The following ART3 variants were observed in gnomAD, a reference collection of about 807,000 sequenced individuals.
ART3 encodes ADP-ribosyltransferase 3 (inactive).
In ART3, 49 loss-of-function variants were observed where a neutral mutation model predicts 48.5. The ratio of observed to expected loss-of-function variants is 1.01; its 90% CI spans 0.80 to 1.28. The LOEUF is 1.28. Ranked by LOEUF, ART3 falls within the 50% of genes most tolerant of loss-of-function variation. ART3 has a pLI of 0.00. For missense variants in ART3, 438 were observed against 454.3 expected (o/e 0.96, Z 0.33); for synonymous variants, 145 against 157.2 (o/e 0.92, Z 0.58).
intron 1 of ART3, among the ~76,000 whole-genome samples, chr4:76,027,812 G>A (rs1733537389): frequency 7.0e-6 from 1 of 142,588 alleles, no homozygotes; most frequent in South Asian, 2.3e-4. Flanking sequence ...TGCCGTGTTA[G>A]GATTCTATAA....
At chr4:76,037,800 T>C (rs535308518) in intron 1 of ART3, among the ~76,000 whole-genome samples, 1 of 152,332 alleles carries the variant, frequency 6.6e-6, no homozygotes, top group South Asian at 2.1e-4. Context: ...TAACTTTCTT[T>C]CAAGAATTTT....
intron 1 of ART3, among the ~76,000 whole-genome samples, chr4:76,015,901 CTATAGGCACAAGCCTGGCCTGGGAT>C (rs1732209270): frequency 6.6e-6 from 1 of 152,170 alleles, no homozygotes; most frequent in Non-Finnish European, 1.5e-5. Flanking sequence ...AGTGCTGGGA[CTATAGGCACAAGCCTGGCCTGGGAT>C]TATAGGCACA....
intron 2 of ART3, among the ~76,000 whole-genome samples, chr4:76,078,585 T>C (rs987034049): frequency 1.3e-5 from 2 of 152,212 alleles, no homozygotes; most frequent in Non-Finnish European, 2.9e-5. Flanking sequence ...GGCAGAATTC[T>C]CTGTGGCTAG....
chr4:76,032,747 G>A (rs550637360), intron 1 of ART3, among the ~76,000 whole-genome samples: 4 of 151,874 alleles, frequency 2.6e-5, no homozygotes, highest in Non-Finnish European at 5.9e-5. Flanking sequence ...AGCAGCCTCG[G>A]CTAATTTTTT....
chr4:76,098,052 T>A (rs1204809216), intron 4 of ART3, among the ~76,000 whole-genome samples: 1 of 152,202 alleles, frequency 6.6e-6, no homozygotes, highest in African/African-American at 2.4e-5. Context: ...CTAGCTCCTG[T>A]TCCTGTATTT....
At chr4:76,077,392 A>C (rs1264856738) in intron 2 of ART3, among the ~76,000 whole-genome samples, 1 of 152,096 alleles carries the variant, frequency 6.6e-6, no homozygotes, top group Non-Finnish European at 1.5e-5. Context: ...GCCGTACCGC[A>C]TCTTGTTTAT....
At chr4:76,100,880 A>G (rs1400900819) in intron 7 of ART3, 56 bp downstream of exon 7, 2 of 1,602,786 alleles carry the variant, frequency 1.2e-6, no homozygotes, top group Non-Finnish European at 1.7e-6. Context: ...ACCTCCCTTT[A>G]CAGGTGGGAA....
chr4:76,030,800 G>T (rs1297328011), intron 1 of ART3, among the ~76,000 whole-genome samples: 1 of 152,164 alleles, frequency 6.6e-6, no homozygotes, highest in Non-Finnish European at 1.5e-5. Flanking sequence ...GTTGTAGCAT[G>T]TATCAGTACT....
intron 11 of ART3, among the ~76,000 whole-genome samples, chr4:76,111,528 T>C (rs973387076): frequency 6.7e-6 from 1 of 148,304 alleles, no homozygotes; most frequent in Non-Finnish European, 1.5e-5. Context: ...CTCTATTTTA[T>C]TGTAAAAATA....
At chr4:76,012,411 A>G (rs918493604) in intron 1 of ART3, among the ~76,000 whole-genome samples, 3 of 152,198 alleles carry the variant, frequency 2.0e-5, no homozygotes, top group Admixed American at 2.0e-4. Context: ...AGAAGCCCCA[A>G]GAGAATATTC....
intron 3 of ART3, among the ~76,000 whole-genome samples, chr4:76,094,790 A>G (rs1454870303): frequency 6.6e-6 from 1 of 152,198 alleles, no homozygotes; most frequent in Non-Finnish European, 1.5e-5. Context: ...AACCCTTTGC[A>G]GATCTCTGGA....
rs535023833 is a variant in ART3, at chr4:76,069,349, T to A, written c.-9-6532T>A. ...TTTCTGTCTGTATAGATCTGTCTACTCTGGACATTTCATGTAAATGTATCA... is the reference window on the plus strand; with the variant it reads ...TTTCTGTCTGTATAGATCTGTCTACACTGGACATTTCATGTAAATGTATCA... On this transcript the variant is annotated intron_variant, in intron 1 of 9. Coordinates refer to the ART3 transcript ENST00000341029. Among the ~76,000 whole-genome samples the A allele has an allele frequency of 2.0e-5, 3 of 151,478 alleles. No individual in the cohort carries two copies. The East Asian group carries it at 5.8e-4, about 29-fold the overall frequency.
intron 5 of ART3, 109 bp downstream of exon 5, chr4:76,099,096 G>C: frequency 5.1e-6 from 5 of 975,042 alleles, no homozygotes; most frequent in Non-Finnish European, 8.1e-6. Context: ...GAGCCCAGGA[G>C]TTTGAGACCA....
chr4:76,028,218 A>G (rs1193417916), intron 1 of ART3, among the ~76,000 whole-genome samples: 1 of 152,174 alleles, frequency 6.6e-6, no homozygotes, highest in African/African-American at 2.4e-5. Context: ...GCCCACTATT[A>G]CTTATTTCAC....
intron 1 of ART3, among the ~76,000 whole-genome samples, chr4:76,040,193 C>T (rs1341884042): frequency 3.3e-5 from 5 of 152,086 alleles, no homozygotes; most frequent in South Asian, 4.2e-4. Flanking sequence ...GGTATGGTGG[C>T]GCATGCCTGT....
At chr4:76,107,457 A>G (rs926274350) in intron 10 of ART3, 1 of 199,316 alleles carries the variant, frequency 5.0e-6, no homozygotes, top group Non-Finnish European at 1.0e-5. Context: ...CATAGTGAAC[A>G]CTCAATAGTA....
chr4:76,106,401 T>A (rs1351094490), intron 10 of ART3: 2 of 979,096 alleles, frequency 2.0e-6, no homozygotes, highest in Non-Finnish European at 2.4e-6. Flanking sequence ...TAGGACAGAT[T>A]TATTTTAGAG....
chr4:76,024,671 A>G (rs1353000912), intron 1 of ART3, among the ~76,000 whole-genome samples: 1 of 152,236 alleles, frequency 6.6e-6, no homozygotes, highest in Non-Finnish European at 1.5e-5. Flanking sequence ...AGGGAATCCA[A>G]GATGAAATAC....
chr4:76,011,936 CAG>C lies in ART3; in HGVS notation c.-10+618_-10+619del, dbSNP rs1189914360. ...GGCTAGACAAGGCTTTTAGGAGAAA[CAG>C]AAACCTGATGAGAGGATGTTGCAGG... On this transcript the variant is annotated intron_variant, in intron 1 of 9. Transcript: ENST00000341029. 2.6e-5 allele frequency among the ~76,000 whole-genome samples: 4 copies of C among 152,334 alleles called. No individual in the cohort carries two copies. In the South Asian group the frequency reaches 6.2e-4, roughly 24 times the overall value.
Sources: gnomAD v4.1 joint callset for allele counts (sites outside exome capture counted in the v4.1 genomes callset) on GRCh38, gnomAD v4.1.1 for gene constraint, MANE v1.5 for transcripts, NCBI Gene and HGNC (gene_info 2026-07-23, HGNC 2026-07-21) for gene names.